The following OCIAD2 variants were observed in gnomAD, a reference collection of about 807,000 sequenced individuals.
The protein encoded by OCIAD2 is OCIA domain containing 2, also known as OCIA domain-containing protein 2.
In OCIAD2, 29 loss-of-function variants were observed where a neutral mutation model predicts 22.9. That is an observed-to-expected ratio of 1.27 (90% CI 0.94 to 1.73). The LOEUF is 1.73. OCIAD2 is among the 40% of genes most tolerant of loss of function. The pLI is 0.00. For synonymous variants in OCIAD2, 67 were observed against 60.2 expected (o/e 1.11, Z -0.52); for missense variants, 189 against 180.3 (o/e 1.05, Z -0.28).
intron 1 of OCIAD2, 81 bp from the exon 2 acceptor site, chr4:48,904,692 G>T: frequency 1.3e-6 from 1 of 757,580 alleles, no homozygotes; most frequent in Non-Finnish European, 2.2e-6. Flanking sequence ...ATCCACTGGA[G>T]TTATTTGGAA....
chr4:48,896,874 T>C (rs1387631901), intron 4 of OCIAD2, among the ~76,000 whole-genome samples: 1 of 152,156 alleles, frequency 6.6e-6, no homozygotes, highest in African/African-American at 2.4e-5. Context: ...GGAATGTCTC[T>C]GGGTTCTCTG....
At chr4:48,888,081 T>C (rs1781043852) in intron 6 of OCIAD2, among the ~76,000 whole-genome samples, 2 of 152,212 alleles carry the variant, frequency 1.3e-5, no homozygotes, top group South Asian at 2.1e-4. Context: ...TTCCTAGGTA[T>C]TTTATTTTCT....
chr4:48,892,744 C>T (rs1360667373), intron 6 of OCIAD2, 28 bp downstream of exon 6: 4 of 1,056,056 alleles, frequency 3.8e-6, no homozygotes, highest in Admixed American at 2.2e-5. Context: ...AATTACATTA[C>T]AATCCCTCAA....
chr4:48,898,743 T>C (rs1781354592), intron 3 of OCIAD2, among the ~76,000 whole-genome samples: 1 of 152,234 alleles, frequency 6.6e-6, no homozygotes, highest in African/African-American at 2.4e-5. Context: ...ACGTTAAACA[T>C]GTGTAATGTT....
chr4:48,903,248 G>T (rs141216846), intron 2 of OCIAD2, among the ~76,000 whole-genome samples: 1 of 152,136 alleles, frequency 6.6e-6, no homozygotes, highest in Non-Finnish European at 1.5e-5. Context: ...TTAACACTTG[G>T]GTTCTCAATC....
intron 6 of OCIAD2, among the ~76,000 whole-genome samples, chr4:48,889,101 T>C (rs959690475): frequency 1.2e-4 from 19 of 152,256 alleles, no homozygotes; most frequent in African/African-American, 4.6e-4. Flanking sequence ...ATCCATTTCT[T>C]CTAGATTTTC....
Position 48,899,850 on chromosome 4 carries a change from C to T in OCIAD2, c.142G>A (p.Glu48Lys). ...EISKIMRECQ[E>K]ESFWKRALPF... ...TTACCTCTCTTCCAGAAACTTTCTT[C>T]CTGACATTCTCGCATAATCTTTGAG... The change falls in exon 3 of 7, where the codon GAA becomes AAA. Residue 48 changes from glutamate to lysine, a missense_variant. Transcript: ENST00000508632. 2 of 1,613,448 alleles carry T rather than the reference C, an allele frequency of 1.2e-6. No homozygotes were observed. Among genetic ancestry groups the T allele is most frequent in the Non-Finnish European group, 1.7e-6 (2 of 1,179,724 alleles).
Position 48,892,834 on chromosome 4 carries a change from C to A in OCIAD2, c.321G>T (p.Gln107His). The A allele has an allele frequency of 1.2e-6, 2 of 1,613,306 alleles. No homozygotes were observed. The highest frequency in any genetic ancestry group is 2.2e-5 in the South Asian group (2 of 90,868). Reference sequence around the variant, plus strand: ...GATCTTCAAAAAAATGGAATTTACTCTGGCATACTCCTATGTATGATACCT... The same window carrying A: ...GATCTTCAAAAAAATGGAATTTACTATGGCATACTCCTATGTATGATACCT... ...LGKVSYIGVCQSKFHFFEDQL... is the reference protein window; with the variant it reads ...LGKVSYIGVCHSKFHFFEDQL... The change falls in exon 6 of 7, where the codon CAG (glutamine) becomes CAT (histidine). Residue 107 changes from glutamine to histidine, a missense_variant. By Grantham distance (24) the Gln-to-His change is conservative. Transcript: ENST00000508632.
chr4:48,887,446 T>C (rs1237752992), intron 6 of OCIAD2, among the ~76,000 whole-genome samples: 7 of 152,256 alleles, frequency 4.6e-5, no homozygotes, highest in Non-Finnish European at 1.5e-5. Flanking sequence ...GCCTAGGTTT[T>C]CTTCTAGGGT....
At chr4:48,904,388 G>T in intron 2 of OCIAD2, 96 bp downstream of exon 2, 1 of 1,039,470 alleles carries the variant, frequency 9.6e-7, no homozygotes, top group Non-Finnish European at 1.5e-6. Context: ...GTTCGAGACT[G>T]CAGTGAGCCA....
At chr4:48,898,560 T>C (rs754027724) in intron 3 of OCIAD2, among the ~76,000 whole-genome samples, 3 of 152,192 alleles carry the variant, frequency 2.0e-5, no homozygotes, top group Non-Finnish European at 4.4e-5. Flanking sequence ...GTTGGCCCAA[T>C]AGCTGTGGGT....
In OCIAD2 at chr4:48,893,879, AC is replaced by A; in HGVS notation, c.265+126del. 3 of 426,486 alleles carry A rather than the reference AC, an allele frequency of 7.0e-6. No homozygotes were observed. In the East Asian group the frequency reaches 1.1e-4, roughly 16 times the overall value. The allele number at this position is 426,486 out of a possible 1,614,324, so 26.4% of individuals were successfully genotyped here. ...TTTAAAAAAATAGATACAAGGTTTCACCATGCTGCCCAGGCTGGTCTCGAAC... is the reference window on the plus strand; with the variant it reads ...TTTAAAAAAATAGATACAAGGTTTCACATGCTGCCCAGGCTGGTCTCGAAC... On this transcript the variant is annotated intron_variant, in intron 5 of 6. Coordinates refer to ENST00000508632, the MANE Select transcript of OCIAD2 (RefSeq NM_001014446.3).
chr4:48,897,810 A>T lies in OCIAD2; in HGVS notation c.211T>A (p.Tyr71Asn). The change falls in exon 4 of 7, where the codon TAC (tyrosine) becomes AAC (asparagine). Residue 71 changes from tyrosine (Y) to asparagine (N), a missense_variant. Physicochemically the swap from Tyr to Asn is moderately radical, Grantham distance 143. Transcript: ENST00000508632. Reference sequence around the variant, plus strand: ...AACAAATATTGAATCTTACCTTGGTAGACTAGTCCCTGGGTGACAAGCATG... The same window carrying T: ...AACAAATATTGAATCTTACCTTGGTTGACTAGTCCCTGGGTGACAAGCATG... ...VSMLVTQGLVYQGYLAANSRF... is the reference protein window; with the variant it reads ...VSMLVTQGLVNQGYLAANSRF... 1 of 1,609,996 alleles carries T rather than the reference A, an allele frequency of 6.2e-7. No homozygotes were observed. Among genetic ancestry groups the T allele is most frequent in the Non-Finnish European group, 8.5e-7 (1 of 1,176,320 alleles).
chr4:48,905,257 C>G (rs1433597686), intron 1 of OCIAD2, among the ~76,000 whole-genome samples: 2 of 152,000 alleles, frequency 1.3e-5, no homozygotes, highest in Non-Finnish European at 2.9e-5. Flanking sequence ...TAATATTTGA[C>G]GATTTGGGTC....
intron 1 of OCIAD2, among the ~76,000 whole-genome samples, chr4:48,906,206 G>T (rs1781520947): frequency 6.6e-6 from 1 of 152,194 alleles, no homozygotes; most frequent in African/African-American, 2.4e-5. Flanking sequence ...TGCCTTGCAG[G>T]TGTAGCTCCC....
Position 48,894,065 on chromosome 4 carries a change from T to C in OCIAD2, c.218-12A>G. ...AGCTGCCAAATAACCTAAGGAGTAA[T>C]AAAGAAAAACATTATTATTTCATTT... On this transcript the variant is annotated splice_polypyrimidine_tract_variant and intron_variant, in intron 4 of 6. Coordinates refer to ENST00000508632, the MANE Select transcript of OCIAD2 (RefSeq NM_001014446.3). 7.4e-7 allele frequency: 1 copy of C among 1,356,190 alleles called. No homozygotes were observed. The highest frequency in any genetic ancestry group is 9.9e-7 in the Non-Finnish European group (1 of 1,006,868). 84.0% of individuals were successfully genotyped at this position (1,356,190 alleles called of 1,614,324 possible).
At chr4:48,892,562 T>TAA (rs1781200133) in intron 6 of OCIAD2, among the ~76,000 whole-genome samples, 1 of 152,178 alleles carries the variant, frequency 6.6e-6, no homozygotes, top group Non-Finnish European at 1.5e-5. Context: ...TAGATTCCCA[T>TAA]TAAATATTTA....
Position 48,892,775 on chromosome 4 carries a change from T to A in OCIAD2, c.380A>T (p.Asn127Ile). The A allele has an allele frequency of 6.5e-7, 1 of 1,537,812 alleles. No homozygotes were observed. Among genetic ancestry groups the A allele is most frequent in the Non-Finnish European group, 9.0e-7 (1 of 1,114,186 alleles). The change falls in exon 6 of 7, where the codon AAC (asparagine) becomes ATC (isoleucine). Residue 127 changes from asparagine to isoleucine, a missense_variant. By Grantham distance (149) the Asn-to-Ile change is moderately radical. Transcript: ENST00000508632. ...CTCAACCAAACAGATTACAAACCTG[T>A]TATGCTGTGGACCAAAACCAGCCCC... ...LRGAGFGPQH[N>I]RHCLLTCEEC...
At chr4:48,898,810 C>T (rs1216166639) in intron 3 of OCIAD2, among the ~76,000 whole-genome samples, 1 of 152,142 alleles carries the variant, frequency 6.6e-6, no homozygotes, top group South Asian at 2.1e-4. Context: ...CTAGTTCTGT[C>T]CATCAATATG....
Sources: allele counts gnomAD v4.1 joint callset (sites outside exome capture counted in the v4.1 genomes callset), GRCh38; gene constraint gnomAD v4.1.1; transcripts MANE v1.5; gene names NCBI Gene and HGNC (gene_info 2026-07-23, HGNC 2026-07-21).